Variants in ARF4 observed in about 807,000 individuals in gnomAD.
ARF4 encodes ARF GTPase 4.
A neutral mutation model predicts 24.3 loss-of-function variants in ARF4; 5 were observed. The ratio of observed to expected loss-of-function variants is 0.21; its 90% CI spans 0.11 to 0.43. ARF4 has a LOEUF of 0.43. ARF4 is among the 20% of genes least tolerant of loss of function. The probability of loss-of-function intolerance (pLI) is 1.00; values close to 1 mark genes in which losing one functional copy is unlikely to be tolerated. For synonymous variants in ARF4, 62 were observed against 73.5 expected, an observed-to-expected ratio of 0.84 and a Z score of 0.80; for missense variants, 107 against 213.0, an observed-to-expected ratio of 0.50 and a Z score of 3.10.
chr3:57,596,371 G>A (rs1455463468), intron 1 of ARF4, among the ~76,000 whole-genome samples: 1 of 152,156 alleles, frequency 6.6e-6, no homozygotes. Flanking sequence ...AAAAACCTAG[G>A]AGAATAAACC....
chr3:57,579,253 C>CAAAAA (rs764058520), intron 3 of ARF4, among the ~76,000 whole-genome samples: 17,856 of 46,374 alleles, frequency 0.39, 4,794 homozygotes, highest in East Asian at 0.53. Context: ...AACTACATCT[C>CAAAAA]AAAAAAAAAA....
At position 57,577,364 on chromosome 3, in the gene ARF4, G is replaced by A; in HGVS notation, c.282C>T (p.Ser94=). ...NTQGLIFVVD[S]NDRERIQEVA... ...CTTCCTGAATTCTTTCACGATCGTT[G>A]CTATCTACCACAAAAATAAGACCCT... The change falls in exon 4 of 6, where the codon AGC becomes AGT. Residue 94 remains serine, a synonymous_variant. Transcript: ENST00000303436. The A allele has an allele frequency of 1.9e-6, 3 of 1,613,114 alleles. No homozygotes were observed. In the East Asian group the frequency reaches 6.7e-5, roughly 36 times the overall value.
intron 1 of ARF4, 34 bp downstream of exon 1, chr3:57,597,040 C>T (rs374400567): frequency 1.1e-4 from 171 of 1,609,546 alleles, no homozygotes; most frequent in Non-Finnish European, 1.4e-4. Context: ...CCTGCCTTTC[C>T]CAGGTCCCGC....
intron 1 of ARF4, among the ~76,000 whole-genome samples, chr3:57,591,018 G>C (rs768431116): frequency 2.0e-5 from 3 of 152,050 alleles, no homozygotes; most frequent in Admixed American, 1.3e-4. Context: ...TTTCAGATGA[G>C]ACATTTAATG....
chr3:57,579,861 G>A (rs1386259072), intron 3 of ARF4, among the ~76,000 whole-genome samples: 1 of 152,066 alleles, frequency 6.6e-6, no homozygotes, highest in Non-Finnish European at 1.5e-5. Context: ...CACCACTTTG[G>A]GAGGCTGGGG....
chr3:57,577,393 GA>G lies in ARF4; in HGVS notation c.259-7del, dbSNP rs80155592. 310,298 of 1,610,824 alleles carry G rather than the reference GA, an allele frequency of 0.19. 33,365 individuals are homozygous for G. Among genetic ancestry groups the G allele is most frequent in the East Asian group, 0.45 (20,089 of 44,734 alleles). On this transcript the variant is annotated splice_polypyrimidine_tract_variant and splice_region_variant and intron_variant, in intron 3 of 5. Coordinates refer to ENST00000303436, the MANE Select transcript of ARF4 (RefSeq NM_001660.4). ...TCTACCACAAAAATAAGACCCTGGG[GA>G]AAAATTGTTTCAGTAAATTTTAACA... is the stretch of plus-strand genomic sequence containing the variant.
chr3:57,583,789 T>C (rs1188237431), intron 3 of ARF4, 109 bp downstream of exon 3: 6 of 772,178 alleles, frequency 7.8e-6, no homozygotes, highest in Non-Finnish European at 1.3e-5. Flanking sequence ...ATAAGACAAA[T>C]GCCAACTCAT....
chr3:57,577,772 G>T (rs753530286), intron 3 of ARF4, among the ~76,000 whole-genome samples: 1 of 152,092 alleles, frequency 6.6e-6, no homozygotes, highest in Non-Finnish European at 1.5e-5. Flanking sequence ...GGCCAGGCAT[G>T]GTGGCTCATC....
chr3:57,573,943 G>T (rs7611440), intron 5 of ARF4, among the ~76,000 whole-genome samples: 53,360 of 148,800 alleles, frequency 0.36, 11,161 homozygotes, highest in South Asian at 0.54. Flanking sequence ...GTTTTTTTTT[G>T]TTTGTTTGTT....
At chr3:57,596,924 T>C (rs1194556170) in intron 1 of ARF4, 150 bp downstream of exon 1, 7 of 750,330 alleles carry the variant, frequency 9.3e-6, no homozygotes, top group South Asian at 8.7e-5. Context: ...CTCCGCTCCA[T>C]TGTTCCCCCT....
intron 1 of ARF4, among the ~76,000 whole-genome samples, chr3:57,585,665 C>CTTTTTT (rs10651218): frequency 1.5e-5 from 2 of 137,078 alleles, no homozygotes; most frequent in Admixed American, 7.6e-5. Flanking sequence ...TATCTAAATT[C>CTTTTTT]TTTTTTTTTT....
chr3:57,581,184 G>A (rs765035919), intron 3 of ARF4, among the ~76,000 whole-genome samples: 1 of 152,178 alleles, frequency 6.6e-6, no homozygotes. Context: ...TAGAAACATG[G>A]TTAAAGCTAT....
chr3:57,582,139 T>TA (rs1350456156), intron 3 of ARF4, among the ~76,000 whole-genome samples: 7 of 152,258 alleles, frequency 4.6e-5, no homozygotes, highest in Non-Finnish European at 8.8e-5. Context: ...ATAAGGAATG[T>TA]TCACCTTGTA....
At chr3:57,584,514 A>G (rs2070013884) in intron 1 of ARF4, 50 bp from the exon 2 acceptor site, 1 of 1,447,890 alleles carries the variant, frequency 6.9e-7, no homozygotes, top group Admixed American at 1.8e-5. Flanking sequence ...GCACACTCCA[A>G]GAAATAATTT....
intron 1 of ARF4, among the ~76,000 whole-genome samples, chr3:57,588,202 T>C (rs1228198419): frequency 1.3e-5 from 2 of 152,220 alleles, no homozygotes; most frequent in African/African-American, 4.8e-5. Context: ...AAAGATGTAC[T>C]GGAATACTTG....
In ARF4 at chr3:57,571,936, A is replaced by C. The variant is rs1323343030; in HGVS notation, c.*276T>G. The C allele has an allele frequency of 6.5e-6, 2 of 308,546 alleles. No individual in the cohort carries two copies. The highest frequency in any genetic ancestry group is 9.6e-5 in the Admixed American group (2 of 20,760). 19.1% of individuals were successfully genotyped at this position (308,546 alleles called of 1,614,324 possible). A position where few individuals can be genotyped will look rare whatever the true frequency, so the allele number is the denominator to read the frequency against. ...AAAAAACACTCAAAACAATTTATTT[A>C]AAGGTTGCACAAGAGCTATGTCCAG... On this transcript the variant is annotated 3_prime_UTR_variant, in exon 6 of 6. Coordinates refer to ENST00000303436, the MANE Select transcript of ARF4 (RefSeq NM_001660.4).
intron 5 of ARF4, among the ~76,000 whole-genome samples, chr3:57,574,920 C>A (rs1455976386): frequency 2.6e-5 from 4 of 151,252 alleles, no homozygotes; most frequent in African/African-American, 9.7e-5. Context: ...GCGATCGCGA[C>A]TCACCGCAAC....
chr3:57,596,961 G>C (rs1373880484), intron 1 of ARF4, 113 bp downstream of exon 1: 1 of 1,184,326 alleles, frequency 8.4e-7, no homozygotes, highest in Non-Finnish European at 1.2e-6. Flanking sequence ...CCCCCGACCC[G>C]GCGCCCCTCC....
At chr3:57,573,441 A>T (rs1244466880) in intron 5 of ARF4, among the ~76,000 whole-genome samples, 1 of 152,192 alleles carries the variant, frequency 6.6e-6, no homozygotes, top group Non-Finnish European at 1.5e-5. Context: ...TTGCAAGGCC[A>T]CTGCAGGTAT....
Sources: allele counts gnomAD v4.1 joint callset (sites outside exome capture counted in the v4.1 genomes callset), GRCh38; gene constraint gnomAD v4.1.1; transcripts MANE v1.5; gene names NCBI Gene and HGNC (gene_info 2026-07-23, HGNC 2026-07-21).